P2RY12: variants seen among roughly 807,000 people sequenced by gnomAD.
P2RY12 encodes the protein P2Y purinoceptor 12.
In P2RY12, 3 loss-of-function variants were observed where a neutral mutation model predicts 4.5. That is an observed-to-expected ratio of 0.67 (90% CI 0.31 to 1.74). P2RY12 has a LOEUF of 1.74. P2RY12 is among the 40% of genes most tolerant of loss of function. The pLI, the probability that P2RY12 is intolerant of heterozygous loss-of-function variation, is 0.09. For synonymous variants in P2RY12, 148 were observed against 154.1 expected, an observed-to-expected ratio of 0.96 and a Z score of 0.29; for missense variants, 356 against 407.8, an observed-to-expected ratio of 0.87 and a Z score of 1.09.
At chr3:151,374,968 G>T (rs1377813307) in intron 1 of P2RY12, among the ~76,000 whole-genome samples, 3 of 151,786 alleles carry the variant, frequency 2.0e-5, no homozygotes, top group Non-Finnish European at 4.4e-5. Context: ...ATATTATTTT[G>T]TACTTTGCTA....
At chr3:151,347,563 C>T (rs1450401852) in intron 1 of P2RY12, among the ~76,000 whole-genome samples, 2 of 152,104 alleles carry the variant, frequency 1.3e-5, no homozygotes, top group East Asian at 1.9e-4. Flanking sequence ...TTGTACATAG[C>T]ATTTCAGCAA....
intron 1 of P2RY12, among the ~76,000 whole-genome samples, chr3:151,362,307 A>C (rs1018000916): frequency 2.0e-5 from 3 of 152,114 alleles, no homozygotes; most frequent in Admixed American, 6.6e-5. Flanking sequence ...AAAATTCACC[A>C]TCCCTACCTA....
chr3:151,376,225 T>C, intron 1 of P2RY12: 5 of 1,446,370 alleles, frequency 3.5e-6, no homozygotes, highest in Non-Finnish European at 4.6e-6. Flanking sequence ...GTCAGTCGTA[T>C]ACAGATTGTG....
chr3:151,370,977 A>G (rs1009868666), intron 1 of P2RY12, among the ~76,000 whole-genome samples: 2 of 152,224 alleles, frequency 1.3e-5, no homozygotes, highest in African/African-American at 4.8e-5. Flanking sequence ...GTTTAACGTC[A>G]GCAGAGCTTT....
At chr3:151,371,719 T>C (rs1756212046) in intron 1 of P2RY12, among the ~76,000 whole-genome samples, 1 of 152,336 alleles carries the variant, frequency 6.6e-6, no homozygotes, top group East Asian at 1.9e-4. Context: ...AGGCCTATGA[T>C]CCTGTGAGTA....
At chr3:151,380,951 T>C (rs893062149) in intron 1 of P2RY12, among the ~76,000 whole-genome samples, 3 of 152,206 alleles carry the variant, frequency 2.0e-5, no homozygotes, top group Non-Finnish European at 4.4e-5. Flanking sequence ...GTTGTATTGA[T>C]GCCAACCAAG....
At position 151,348,719 on chromosome 3, in the gene P2RY12, G is replaced by A. The variant is rs188991338; in HGVS notation, c.-179-7959C>T. ...GGAACCAGTGCAATGGGAAGCAGTGGCAAGTGTGTCCCTGAGAAAGACAGA... is the reference window on the plus strand; with the variant it reads ...GGAACCAGTGCAATGGGAAGCAGTGACAAGTGTGTCCCTGAGAAAGACAGA... On this transcript the variant is annotated intron_variant, in intron 1 of 2. Coordinates refer to ENST00000302632, the MANE Select transcript of P2RY12 (RefSeq NM_022788.5). 2.2e-3 allele frequency among the ~76,000 whole-genome samples: 329 copies of A among 152,240 alleles called. 1 individual carries two copies. Among genetic ancestry groups the A allele is most frequent in the African/African-American group, 7.6e-3 (316 of 41,546 alleles).
rs181463619 is a variant in P2RY12 at position 151,340,740 on chromosome 3, G to A, written c.-159C>T. On this transcript the variant is annotated 5_prime_UTR_variant, in exon 2 of 3. In the 5' UTR this introduces an upstream ATG that the reference lacks. Transcript: ENST00000302632. ...GTGATAGAGGATTTCCTGAGTTTTC[G>A]TCAGTAAAGTCTTGAGTGCTCTAGA... 1.6e-4 allele frequency: 25 copies of A among 152,614 alleles called. No homozygotes were observed. Among genetic ancestry groups the A allele is most frequent in the East Asian group, 9.7e-4 (5 of 5,180 alleles). 9.5% of individuals were successfully genotyped at this position (152,614 alleles called of 1,614,324 possible). A position where few individuals can be genotyped will look rare whatever the true frequency, so the allele number is the denominator to read the frequency against.
At chr3:151,381,898 A>T (rs780571034) in intron 1 of P2RY12, among the ~76,000 whole-genome samples, 5 of 152,064 alleles carry the variant, frequency 3.3e-5, no homozygotes, top group African/African-American at 1.2e-4. Context: ...TCTGCATGTG[A>T]CTCATTTGAA....
At chr3:151,345,833 A>T (rs73006580) in intron 1 of P2RY12, among the ~76,000 whole-genome samples, 3,695 of 152,218 alleles carry the variant, frequency 0.024, 148 homozygotes, top group African/African-American at 0.086. Flanking sequence ...TTCTACTTGT[A>T]TGAAAAACTG....
intron 1 of P2RY12, among the ~76,000 whole-genome samples, chr3:151,350,654 A>T (rs960443238): frequency 8.5e-5 from 13 of 152,200 alleles, no homozygotes; most frequent in Admixed American, 1.3e-4. Flanking sequence ...ATTGAAAATC[A>T]TGACAGCATA....
chr3:151,357,763 A>T (rs1754107695), intron 1 of P2RY12, among the ~76,000 whole-genome samples: 1 of 152,242 alleles, frequency 6.6e-6, no homozygotes, highest in South Asian at 2.1e-4. Flanking sequence ...AGCTTTGCAT[A>T]CATTATCATC....
chr3:151,383,670 A>G, intron 1 of P2RY12: 2 of 657,814 alleles, frequency 3.0e-6, no homozygotes, highest in Non-Finnish European at 5.3e-6. Context: ...AAACTAGAGC[A>G]TCCCTTGTTT....
chr3:151,347,689 G>C (rs1423008198), intron 1 of P2RY12, among the ~76,000 whole-genome samples: 1 of 152,154 alleles, frequency 6.6e-6, no homozygotes, highest in Non-Finnish European at 1.5e-5. Flanking sequence ...GGGTGTGGGG[G>C]ATGTGCAGAG....
At chr3:151,363,366 C>T (rs1385837299) in intron 1 of P2RY12, among the ~76,000 whole-genome samples, 2 of 152,098 alleles carry the variant, frequency 1.3e-5, no homozygotes, top group African/African-American at 2.4e-5. Flanking sequence ...TTTATCTGAA[C>T]CACCATTCAT....
chr3:151,355,085 A>G (rs1284400991), intron 1 of P2RY12: 3 of 1,505,282 alleles, frequency 2.0e-6, no homozygotes, highest in Admixed American at 1.8e-5. Context: ...GCTTCTATTA[A>G]ATGGAAAATA....
chr3:151,365,224 G>A, intron 1 of P2RY12: 1 of 1,593,730 alleles, frequency 6.3e-7, no homozygotes, highest in Non-Finnish European at 8.6e-7. Context: ...GGGTTACCCT[G>A]GAATTCATGA....
intron 1 of P2RY12, chr3:151,349,919 G>A: frequency 1.7e-6 from 1 of 582,358 alleles, no homozygotes; most frequent in Non-Finnish European, 2.9e-6. Context: ...GCCAGTGGAG[G>A]TTGAGGTGAA....
intron 1 of P2RY12, among the ~76,000 whole-genome samples, chr3:151,360,786 C>T (rs191024430): frequency 6.6e-6 from 1 of 152,092 alleles, no homozygotes; most frequent in Admixed American, 6.6e-5. Context: ...GGACAATACA[C>T]GATAGTCTAT....
Sources: gnomAD v4.1 joint callset for allele counts (sites outside exome capture counted in the v4.1 genomes callset) on GRCh38, gnomAD v4.1.1 for gene constraint, MANE v1.5 for transcripts, NCBI Gene and HGNC (gene_info 2026-07-23, HGNC 2026-07-21) for gene names.